The following NPAT variants were observed in gnomAD, a reference collection of about 807,000 sequenced individuals.
NPAT encodes the protein nuclear protein, coactivator of histone transcription, also known as protein NPAT.
NPAT carries 52 observed loss-of-function variants against 130.7 expected under a neutral mutation model. The ratio of observed to expected loss-of-function variants is 0.40; its 90% CI spans 0.32 to 0.50. The LOEUF is 0.50. Ranked by LOEUF, NPAT falls within the 20% of genes least tolerant of loss-of-function variation. The pLI is 0.68. For synonymous variants in NPAT, 580 were observed against 584.8 expected, an observed-to-expected ratio of 0.99 and a Z score of 0.12; for missense variants, 1,687 against 1,662.6, an observed-to-expected ratio of 1.01 and a Z score of -0.26.
chr11:108,208,370 C>T (rs894137846), intron 1 of NPAT: 15 of 414,626 alleles, frequency 3.6e-5, no homozygotes, highest in African/African-American at 2.3e-4. Flanking sequence ...GTGGTAGAAT[C>T]GCTTGAGCCT....
At chr11:108,209,873 A>G (rs1310885996) in intron 1 of NPAT, among the ~76,000 whole-genome samples, 4 of 126,134 alleles carry the variant, frequency 3.2e-5, no homozygotes. Context: ...TGGGGAACAG[A>G]GTGAGACTTC....
At chr11:108,175,747 G>T (rs1466795758) in intron 12 of NPAT, among the ~76,000 whole-genome samples, 4 of 152,180 alleles carry the variant, frequency 2.6e-5, no homozygotes, top group Admixed American at 2.6e-4. Flanking sequence ...GGGAGCAGGT[G>T]ATAACATTTA....
intron 1 of NPAT, among the ~76,000 whole-genome samples, chr11:108,212,945 CAAAAAAAAAAAAAA>C (rs34466178): frequency 1.9e-4 from 7 of 36,420 alleles, no homozygotes; most frequent in Admixed American, 4.2e-4. Context: ...GACTCTGTCT[CAAAAAAAAAAAAAA>C]AAAAAAAAAA....
intron 15 of NPAT, 128 bp from the exon 16 acceptor site, chr11:108,162,308 C>G: frequency 1.3e-6 from 1 of 762,656 alleles, no homozygotes; most frequent in Non-Finnish European, 2.2e-6. Flanking sequence ...ACAAATAGAA[C>G]ACGTTGACAA....
At chr11:108,219,712 C>T (rs1189169951) in intron 1 of NPAT, among the ~76,000 whole-genome samples, 1 of 148,294 alleles carries the variant, frequency 6.7e-6, no homozygotes, top group Non-Finnish European at 1.5e-5. Flanking sequence ...GTTAACACTA[C>T]TGATCTGTAC....
At position 108,158,775 on chromosome 11, in the gene NPAT, C is replaced by T; in HGVS notation, c.*167G>A. On this transcript the variant is annotated 3_prime_UTR_variant, in exon 18 of 18. Coordinates refer to ENST00000278612, the MANE Select transcript of NPAT (RefSeq NM_002519.3). ...AAAATATACCAAGTAAGTCTATTTA[C>T]AAACTAGGAAGCTGTTTCAGAAACA... 1 of 568,024 alleles carries T rather than the reference C, an allele frequency of 1.8e-6. No homozygotes were observed. The highest frequency in any genetic ancestry group is 3.1e-5 in the East Asian group (1 of 32,692). 35.2% of individuals were successfully genotyped at this position (568,024 alleles called of 1,614,324 possible).
At chr11:108,189,040 A>T in intron 6 of NPAT, 66 bp downstream of exon 6, 1 of 1,233,098 alleles carries the variant, frequency 8.1e-7, no homozygotes, top group Non-Finnish European at 1.2e-6. Flanking sequence ...TAAAGACATT[A>T]GTATATTATC....
intron 10 of NPAT, among the ~76,000 whole-genome samples, chr11:108,184,024 CAT>C (rs2078081201): frequency 6.6e-6 from 1 of 151,480 alleles, no homozygotes; most frequent in Non-Finnish European, 1.5e-5. Context: ...AATCTTAAAA[CAT>C]AGACTGTTAT....
intron 8 of NPAT, among the ~76,000 whole-genome samples, chr11:108,186,118 G>A (rs917391303): frequency 2.6e-5 from 4 of 151,940 alleles, no homozygotes; most frequent in Non-Finnish European, 5.9e-5. Context: ...CCAGGCTCAA[G>A]CAGTCCTCCC....
Position 108,183,939 on chromosome 11 carries a change from A to G in NPAT, c.906+1293T>C, listed in dbSNP as rs143569648. Among the ~76,000 whole-genome samples, 940 of 151,186 alleles carry G rather than the reference A, an allele frequency of 6.2e-3. 7 individuals carry two copies. Among genetic ancestry groups the G allele is most frequent in the African/African-American group, 0.02 (829 of 41,050 alleles). ...CTGTGAGCCGTGATTGAGCCACTGC[A>G]CTCAAGCCCGGGCAACAAAGTGAGA... On this transcript the variant is annotated intron_variant, in intron 10 of 17. Coordinates refer to ENST00000278612, the MANE Select transcript of NPAT (RefSeq NM_002519.3).
Position 108,194,002 on chromosome 11 carries a change from T to C in NPAT, c.172A>G (p.Asn58Asp), listed in dbSNP as rs2078196494. Residue 58 changes from asparagine (N) to aspartate (D), a missense_variant, in exon 3 of 18, where the codon AAC becomes GAC. Physicochemically the swap from Asn to Asp is conservative, Grantham distance 23. Transcript: ENST00000278612. ...TACTCATTTAAAATTGTTGTCAAGT[T>C]TTTTCCAAATAAGGACTGAAAAGAA... The part of the protein sequence containing the change: ...PACLLSLFGK[N>D]LTTILNEYVA... The C allele has an allele frequency of 6.4e-7, 1 of 1,550,680 alleles. No individual in the cohort carries two copies. The highest frequency in any genetic ancestry group is 8.9e-7 in the Non-Finnish European group (1 of 1,123,194).
Position 108,179,449 on chromosome 11 carries a change from T to A in NPAT, c.907-2359A>T, listed in dbSNP as rs1204901449. Reference sequence around the variant, plus strand: ...CACCCAGCTAATTTTGGTCTCAAACTGGCTAGTCTCGAACCCCTGACCTCA... The same window carrying A: ...CACCCAGCTAATTTTGGTCTCAAACAGGCTAGTCTCGAACCCCTGACCTCA... On this transcript the variant is annotated intron_variant, in intron 10 of 17. Transcript: ENST00000278612. Among the ~76,000 whole-genome samples, 5 of 152,036 alleles carry A rather than the reference T, an allele frequency of 3.3e-5. 1 individual carries two copies. The highest frequency in any genetic ancestry group is 3.3e-4 in the Admixed American group (5 of 15,240).
intron 10 of NPAT, among the ~76,000 whole-genome samples, chr11:108,182,485 A>G (rs1413074917): frequency 6.6e-6 from 1 of 152,068 alleles, no homozygotes; most frequent in African/African-American, 2.4e-5. Flanking sequence ...TGTCTTAAAA[A>G]CTGTTATTTA....
Position 108,185,957 on chromosome 11 carries a change from G to A in NPAT, c.727-463C>T, listed in dbSNP as rs567650431. On this transcript the variant is annotated intron_variant, in intron 8 of 17. Transcript: ENST00000278612. Reference sequence around the variant, plus strand: ...GCTGGTCTTGAATTCCTGGCCTCAAGAGATCCGCTGGCTTTGGCCTCTCAA... The same window carrying A: ...GCTGGTCTTGAATTCCTGGCCTCAAAAGATCCGCTGGCTTTGGCCTCTCAA... 2.0e-5 allele frequency among the ~76,000 whole-genome samples: 3 copies of A among 152,050 alleles called. No individual in the cohort carries two copies. In the East Asian group the frequency reaches 5.8e-4, roughly 29 times the overall value.
chr11:108,190,596 G>A (rs2134865606), intron 4 of NPAT, 96 bp from the exon 5 acceptor site: 1 of 1,071,164 alleles, frequency 9.3e-7, no homozygotes, highest in Non-Finnish European at 1.4e-6. Context: ...TAGTTATGAG[G>A]TAAAAGGCAA....
chr11:108,169,430 A>G (rs985120212), intron 15 of NPAT, among the ~76,000 whole-genome samples: 2 of 152,216 alleles, frequency 1.3e-5, no homozygotes, highest in Non-Finnish European at 2.9e-5. Context: ...GTCTCATACA[A>G]TTATACGAGG....
At chr11:108,180,305 G>C (rs2078047493) in intron 10 of NPAT, among the ~76,000 whole-genome samples, 2 of 152,172 alleles carry the variant, frequency 1.3e-5, no homozygotes, top group Admixed American at 1.3e-4. Context: ...TCCAGCCTGG[G>C]CATGCAGCGA....
At chr11:108,207,027 C>A (rs2078332075) in intron 1 of NPAT, among the ~76,000 whole-genome samples, 3 of 152,086 alleles carry the variant, frequency 2.0e-5, no homozygotes, top group South Asian at 4.1e-4. Flanking sequence ...TAGCTCCTTT[C>A]TGCAGGCAAG....
intron 10 of NPAT, among the ~76,000 whole-genome samples, chr11:108,184,994 T>A (rs943746614): frequency 1.3e-5 from 2 of 152,236 alleles, no homozygotes; most frequent in African/African-American, 4.8e-5. Context: ...TAGGAATCCA[T>A]GACTGTGGAT....
Sources: gnomAD v4.1 joint callset for allele counts (sites outside exome capture counted in the v4.1 genomes callset) on GRCh38, gnomAD v4.1.1 for gene constraint, MANE v1.5 for transcripts, NCBI Gene and HGNC (gene_info 2026-07-23, HGNC 2026-07-21) for gene names.